DOT1L: variants seen among roughly 807,000 people sequenced by gnomAD.
DOT1L encodes DOT1 like histone lysine methyltransferase.
In DOT1L, 33 loss-of-function variants were observed where a neutral mutation model predicts 153.3. The observed-to-expected ratio is 0.22, with a 90% CI of 0.16 to 0.29. DOT1L has a LOEUF of 0.29. Among genes scored for constraint, DOT1L ranks in the 10% least tolerant of loss-of-function variants. DOT1L has a pLI of 1.00. For synonymous variants in DOT1L, 1,135 were observed against 965.1 expected (o/e 1.18, Z -3.26); for missense variants, 1,847 against 2,119.9 (o/e 0.87, Z 2.53).
chr19:2,206,000 T>C (rs1189777342), intron 9 of DOT1L, among the ~76,000 whole-genome samples: 1 of 147,520 alleles, frequency 6.8e-6, no homozygotes, highest in Non-Finnish European at 1.5e-5. Context: ...GCGTAGTGGG[T>C]TTTTTTTTTC....
intron 1 of DOT1L, among the ~76,000 whole-genome samples, chr19:2,170,170 T>C (rs2020072030): frequency 1.3e-5 from 2 of 152,174 alleles, no homozygotes. Context: ...GAAAAAAGAA[T>C]TTTTGTTCAA....
chr19:2,227,258 G>T, intron 27 of DOT1L, 131 bp downstream of exon 27: 1 of 1,203,194 alleles, frequency 8.3e-7, no homozygotes. Context: ...GCCGGCCCCC[G>T]CCATCCGTGC....
chr19:2,227,647 G>A lies in DOT1L; in HGVS notation c.4606+520G>A, dbSNP rs777368569. ...CGCACACGCCTGGCGGCGCCGTTTC[G>A]CTTCCCTTTTTGTGAGCCTGCGGCT... On this transcript the variant is annotated intron_variant, in intron 27 of 27. Transcript: ENST00000398665. The A allele has an allele frequency of 9.6e-6, 12 of 1,247,568 alleles. No individual in the cohort carries two copies. In the East Asian group the frequency reaches 4.8e-4, roughly 50 times the overall value. The allele number at this position is 1,247,568 out of a possible 1,614,324, so 77.3% of individuals were successfully genotyped here.
At chr19:2,172,767 G>T (rs779716312) in intron 1 of DOT1L, among the ~76,000 whole-genome samples, 5 of 152,130 alleles carry the variant, frequency 3.3e-5, no homozygotes, top group Non-Finnish European at 7.4e-5. Context: ...CTCCCAAAGT[G>T]CTGGGATTAC....
chr19:2,188,701 G>C (rs548607784), intron 3 of DOT1L, among the ~76,000 whole-genome samples: 1 of 152,314 alleles, frequency 6.6e-6, no homozygotes, highest in Admixed American at 6.5e-5. Context: ...CCTGTCTCTT[G>C]CTCTGCTCTG....
chr19:2,175,068 G>A (rs922594342), intron 1 of DOT1L, among the ~76,000 whole-genome samples: 28 of 147,874 alleles, frequency 1.9e-4, no homozygotes, highest in East Asian at 1.4e-3. Context: ...GCGCCATCTC[G>A]GCTCACTGCA....
chr19:2,183,185 T>C lies in DOT1L; in HGVS notation c.125+2429T>C, dbSNP rs977714402. ...ACGTCCTCCCACAGTGGTGTTGTTT[T>C]TTTGAGTCAGCGTCTGGCTCTGCTG... On this transcript the variant is annotated intron_variant, in intron 2 of 27. Transcript: ENST00000398665. 9.8e-5 allele frequency among the ~76,000 whole-genome samples: 15 copies of C among 152,332 alleles called. No individual in the cohort carries two copies. In the South Asian group the frequency reaches 2.3e-3, roughly 23 times the overall value.
rs760542574 is a variant in DOT1L, at chr19:2,222,152, C to G, written c.2983C>G (p.Arg995Gly). 6.2e-7 allele frequency: 1 copy of G among 1,613,072 alleles called. No homozygotes were observed. The highest frequency in any genetic ancestry group is 8.5e-7 in the Non-Finnish European group (1 of 1,179,868). Reference protein sequence around the residue: ...PQHPLLLAQPRNSLPASPAHQ... With the variant: ...PQHPLLLAQPGNSLPASPAHQ... ...GCACCCCCTGCTGCTGGCACAGCCC[C>G]GGAACTCGCTTCCTGCCTCTCCCGC... is the stretch of plus-strand genomic sequence containing the variant. The change falls in exon 24 of 28, where the codon CGG (arginine) becomes GGG (glycine). Residue 995 changes from arginine (R) to glycine (G), a missense_variant. Physicochemically the swap from Arg to Gly is moderately radical, Grantham distance 125 (BLOSUM62 -2). Around this residue, in one of 8 missense-constraint regions of DOT1L, gnomAD observed 934 missense variants for 825.3 expected, o/e 1.13. Coordinates refer to ENST00000398665, the MANE Select transcript of DOT1L (RefSeq NM_032482.3). This position sits in a 1 kb window ranked among gnomAD's most constrained non-coding sequence, Gnocchi z 6.5.
intron 8 of DOT1L, among the ~76,000 whole-genome samples, chr19:2,201,556 G>A (rs1234188287): frequency 6.6e-6 from 1 of 152,220 alleles, no homozygotes; most frequent in Non-Finnish European, 1.5e-5. Flanking sequence ...TCGCTCTCCT[G>A]TGTGAACTTC....
At chr19:2,187,932 A>T (rs2022609275) in intron 3 of DOT1L, among the ~76,000 whole-genome samples, 1 of 150,262 alleles carries the variant, frequency 6.7e-6, no homozygotes, top group African/African-American at 2.5e-5. Context: ...AGAAAAAAAA[A>T]AAAAAAGGGA....
At position 2,207,406 on chromosome 19, in the gene DOT1L, C is replaced by T. The variant is rs987563234; in HGVS notation, c.857-168C>T. Among the ~76,000 whole-genome samples the T allele has an allele frequency of 1.3e-5, 2 of 152,172 alleles. No individual in the cohort carries two copies. The highest frequency in any genetic ancestry group is 2.9e-5 in the Non-Finnish European group (2 of 68,014). ...AGGCCAGGTGGTGTTGAATGGTGCACCTCCCTGGGCCGGCCTCTGTGGGCC... is the reference window on the plus strand; with the variant it reads ...AGGCCAGGTGGTGTTGAATGGTGCATCTCCCTGGGCCGGCCTCTGTGGGCC... On this transcript the variant is annotated intron_variant, in intron 10 of 27. Transcript: ENST00000398665. This position sits in a 1 kb window ranked among gnomAD's most constrained non-coding sequence, Gnocchi z 4.5.
chr19:2,183,249 C>A (rs889327517), intron 2 of DOT1L, among the ~76,000 whole-genome samples: 25 of 152,178 alleles, frequency 1.6e-4, no homozygotes. Context: ...CAGCTCACTG[C>A]AACTTCCACC....
intron 1 of DOT1L, chr19:2,164,594 G>A (rs896823056): frequency 6.3e-6 from 1 of 159,808 alleles, no homozygotes. Flanking sequence ...AAGCCCGCCC[G>A]CCCGCCCCGC....
Position 2,222,666 on chromosome 19 carries a change from C to A in DOT1L, c.3390+107C>A, listed in dbSNP as rs1000091927. On this transcript the variant is annotated intron_variant, in intron 24 of 27. Transcript: ENST00000398665. This position sits in a 1 kb window ranked among gnomAD's most constrained non-coding sequence, Gnocchi z 6.5. ...CTGTAATCCCAGCATTTTGGGAGGC[C>A]GAGGCGGGTGGATCACAAGATCAGG... The A allele has an allele frequency of 9.0e-7, 1 of 1,115,712 alleles. No homozygotes were observed. The highest frequency in any genetic ancestry group is 1.6e-5 in the South Asian group (1 of 60,682). The allele number at this position is 1,115,712 out of a possible 1,614,324, so 69.1% of individuals were successfully genotyped here. A position where few individuals can be genotyped will look rare whatever the true frequency, so the allele number is the denominator to read the frequency against.
At chr19:2,225,265 G>T in intron 25 of DOT1L, 123 bp from the exon 26 acceptor site, 1 of 966,676 alleles carries the variant, frequency 1.0e-6, no homozygotes, top group Non-Finnish European at 1.6e-6. Context: ...CGGGTCCCCT[G>T]TCTGGGCCGA....
intron 19 of DOT1L, chr19:2,214,838 A>G: frequency 2.1e-6 from 1 of 485,606 alleles, no homozygotes; most frequent in South Asian, 2.4e-5. Flanking sequence ...CTGAATGCGC[A>G]GCGCTAACCT....
In DOT1L at chr19:2,216,313, G is replaced by A. The variant is rs751810601; in HGVS notation, c.1956G>A (p.Arg652=). ...ISIVELEKSQ[R]QQELLQLKSC... ...TTGTGGAGCTAGAGAAGAGCCAGCG[G>A]CAGCAGGAGCTCCTGCAGCTCAAGT... The change falls in exon 20 of 28, where the codon CGG becomes CGA. Residue 652 remains arginine (R), a synonymous_variant. Transcript: ENST00000398665. 3 of 1,592,512 alleles carry A rather than the reference G, an allele frequency of 1.9e-6. No individual in the cohort carries two copies. The highest frequency in any genetic ancestry group is 2.6e-6 in the Non-Finnish European group (3 of 1,165,276).
rs146182001 is a variant in DOT1L, at chr19:2,185,498, A to G, written c.126-357A>G. On this transcript the variant is annotated intron_variant, in intron 2 of 27. Coordinates refer to ENST00000398665, the MANE Select transcript of DOT1L (RefSeq NM_032482.3). ...AAGAACATGCGGGGTAATACTCAAG[A>G]TTGTTTACACCTGTCATCCCAGCAC... Among the ~76,000 whole-genome samples, 389 of 152,162 alleles carry G rather than the reference A, an allele frequency of 2.6e-3. 2 individuals are homozygous for G. Among genetic ancestry groups the G allele is most frequent in the African/African-American group, 8.5e-3 (352 of 41,512 alleles).
chr19:2,194,380 C>T (rs2022927517), intron 6 of DOT1L, 135 bp from the exon 7 acceptor site: 1 of 903,340 alleles, frequency 1.1e-6, no homozygotes, highest in Non-Finnish European at 1.7e-6. Context: ...ACCGTGTTAG[C>T]CAGGATGGTC....
Sources: allele counts gnomAD v4.1 joint callset (sites outside exome capture counted in the v4.1 genomes callset), GRCh38; gene constraint gnomAD v4.1.1; regional missense constraint gnomAD v4.1.1; non-coding constraint Gnocchi (gnomAD v3.1); transcripts MANE v1.5; gene names NCBI Gene and HGNC (gene_info 2026-07-23, HGNC 2026-07-21).